Variants in NUMB observed in about 807,000 individuals in gnomAD.
The protein encoded by NUMB is NUMB endocytic adaptor protein.
Under a neutral mutation model 59.7 loss-of-function variants are expected in NUMB, and 29 were observed. The ratio of observed to expected loss-of-function variants is 0.49; its 90% confidence interval spans 0.36 to 0.66. NUMB has a LOEUF of 0.66. Among genes scored for constraint, NUMB ranks in the 30% least tolerant of loss-of-function variants. NUMB has a pLI of 0.00. For synonymous variants in NUMB, 288 were observed against 288.2 expected (o/e 1.00, Z 0.01); for missense variants, 723 against 822.0 (o/e 0.88, Z 1.47).
chr14:73,300,571 T>C (rs1285266518), intron 6 of NUMB, among the ~76,000 whole-genome samples: 1 of 152,152 alleles, frequency 6.6e-6, no homozygotes, highest in Non-Finnish European at 1.5e-5. Context: ...CCTAGTATGA[T>C]CAAAGGCAGG....
intron 4 of NUMB, 42 bp downstream of exon 4, chr14:73,355,584 G>A: frequency 1.9e-6 from 3 of 1,570,624 alleles, no homozygotes; most frequent in South Asian, 2.4e-5. Flanking sequence ...TAGATTGTCA[G>A]TTCTTTTCCA....
chr14:73,449,893 G>A (rs2140206297), intron 1 of NUMB, among the ~76,000 whole-genome samples: 1 of 152,242 alleles, frequency 6.6e-6, no homozygotes, highest in Middle Eastern at 3.4e-3. Context: ...TCGCCATGTT[G>A]GCCAGGCTGG....
At chr14:73,295,059 C>CAAA (rs1168287763) in intron 7 of NUMB, among the ~76,000 whole-genome samples, 1,119 of 67,050 alleles carry the variant, frequency 0.017, 57 homozygotes, top group East Asian at 0.027. Context: ...GGCACTGTCT[C>CAAA]AAAAAAAAAA....
rs571217878 is a variant in NUMB at position 73,306,368 on chromosome 14, T to C, written c.235-9083A>G. On this transcript the variant is annotated intron_variant, in intron 6 of 12. Coordinates refer to ENST00000555238, the MANE Select transcript of NUMB (RefSeq NM_001005743.2). ...ATTAAGTTCATATTTCAAAGGTATA[T>C]AGTAGCTGAAATGAAAATTCTAGAG... is the stretch of plus-strand genomic sequence containing the variant. Among the ~76,000 whole-genome samples, 16 of 152,280 alleles carry C rather than the reference T, an allele frequency of 1.1e-4. No individual in the cohort carries two copies. The East Asian group carries it at 1.5e-3, about 15-fold the overall frequency.
At chr14:73,441,470 G>A (rs1196876272) in intron 1 of NUMB, among the ~76,000 whole-genome samples, 1 of 152,066 alleles carries the variant, frequency 6.6e-6, no homozygotes, top group Admixed American at 6.5e-5. Flanking sequence ...CCAGGAGGGA[G>A]AGGTTGTGGT....
At chr14:73,281,587 A>G (rs1170693086) in intron 11 of NUMB, 1 of 152,258 alleles carries the variant, frequency 6.6e-6, no homozygotes, top group African/African-American at 2.4e-5. Context: ...AAATTCTACA[A>G]GTCTGTAACT....
chr14:73,287,050 A>T, intron 9 of NUMB, 60 bp downstream of exon 9: 1 of 1,522,344 alleles, frequency 6.6e-7, no homozygotes, highest in Non-Finnish European at 9.1e-7. Flanking sequence ...GTAGCTTCAA[A>T]ATAATACCTT....
chr14:73,344,136 A>C (rs1236000335), intron 4 of NUMB, among the ~76,000 whole-genome samples: 1 of 152,188 alleles, frequency 6.6e-6, no homozygotes, highest in Non-Finnish European at 1.5e-5. Context: ...TTGTATAATA[A>C]AAATTTAAAT....
At chr14:73,347,218 C>T (rs1028125332) in intron 4 of NUMB, among the ~76,000 whole-genome samples, 1 of 152,092 alleles carries the variant, frequency 6.6e-6, no homozygotes, top group African/African-American at 2.4e-5. Flanking sequence ...CTCACATGTT[C>T]CTTAACCTCA....
chr14:73,395,220 C>T (rs1168755260), intron 2 of NUMB, among the ~76,000 whole-genome samples: 1 of 148,710 alleles, frequency 6.7e-6, no homozygotes, highest in African/African-American at 2.4e-5. Context: ...CACACACATA[C>T]ACACACACTC....
intron 4 of NUMB, among the ~76,000 whole-genome samples, chr14:73,348,517 A>T (rs978923934): frequency 6.6e-6 from 1 of 152,350 alleles, no homozygotes; most frequent in East Asian, 1.9e-4. Flanking sequence ...TCCACCTCCT[A>T]TCTCATCAGT....
At chr14:73,356,160 T>C (rs1310743068) in intron 3 of NUMB, among the ~76,000 whole-genome samples, 1 of 152,146 alleles carries the variant, frequency 6.6e-6, no homozygotes, top group Non-Finnish European at 1.5e-5. Flanking sequence ...TGGAAATTTG[T>C]ACATGTAGAC....
At chr14:73,286,684 T>G (rs1205791225) in intron 9 of NUMB, 1 of 211,094 alleles carries the variant, frequency 4.7e-6, no homozygotes, top group African/African-American at 2.3e-5. Context: ...ATATAAACAG[T>G]ATTACTGTTA....
At chr14:73,455,436 A>C (rs1884292223) in intron 1 of NUMB, among the ~76,000 whole-genome samples, 1 of 152,230 alleles carries the variant, frequency 6.6e-6, no homozygotes, top group Admixed American at 6.5e-5. Context: ...AACACGCTGT[A>C]AATTACATTT....
At chr14:73,320,929 ATAGT>A (rs781763263) in intron 5 of NUMB, among the ~76,000 whole-genome samples, 2 of 151,902 alleles carry the variant, frequency 1.3e-5, no homozygotes, top group African/African-American at 4.8e-5. Context: ...TTAAAACTAG[ATAGT>A]TAAATAGTGG....
At chr14:73,279,986 G>A (rs1344340024) in intron 11 of NUMB, among the ~76,000 whole-genome samples, 1 of 152,114 alleles carries the variant, frequency 6.6e-6, no homozygotes, top group Non-Finnish European at 1.5e-5. Flanking sequence ...GCGAAACCCC[G>A]TCTCTACTAA....
intron 4 of NUMB, among the ~76,000 whole-genome samples, chr14:73,334,498 T>C (rs992305630): frequency 6.6e-6 from 1 of 152,226 alleles, no homozygotes; most frequent in African/African-American, 2.4e-5. Flanking sequence ...AAACCATCTA[T>C]ATTAGTTCCT....
chr14:73,323,560 A>G (rs886483666), intron 4 of NUMB, among the ~76,000 whole-genome samples: 3 of 152,258 alleles, frequency 2.0e-5, no homozygotes, highest in African/African-American at 7.2e-5. Flanking sequence ...ACTGGATCTG[A>G]AGCATAATAG....
chr14:73,352,692 G>A (rs1353299389), intron 4 of NUMB, among the ~76,000 whole-genome samples: 3 of 134,172 alleles, frequency 2.2e-5, no homozygotes, highest in Non-Finnish European at 3.3e-5. Context: ...CCGCCACCAC[G>A]TCCAGCTAAT....
Sources: allele counts gnomAD v4.1 joint callset (sites outside exome capture counted in the v4.1 genomes callset), GRCh38; gene constraint gnomAD v4.1.1; transcripts MANE v1.5; gene names NCBI Gene and HGNC (gene_info 2026-07-23, HGNC 2026-07-21).